Variants in EPHB1 observed in about 807,000 individuals in gnomAD.
EPHB1 encodes the protein ephrin type-B receptor 1.
EPHB1 carries 30 observed loss-of-function variants against 94.4 expected under a neutral mutation model. The ratio of observed to expected loss-of-function variants is 0.32; its 90% CI spans 0.24 to 0.43. The LOEUF (loss-of-function observed/expected upper bound fraction) is 0.43, where lower values mean the gene tolerates loss of function less well. Ranked by LOEUF, EPHB1 falls within the 20% of genes least tolerant of loss-of-function variation. The probability of loss-of-function intolerance (pLI) is 1.00; values close to 1 mark genes in which losing one functional copy is unlikely to be tolerated. For missense variants in EPHB1, 1,055 were observed against 1,308.3 expected (o/e 0.81, Z 2.99); for synonymous variants, 522 against 489.1 (o/e 1.07, Z -0.89).
chr3:134,888,720 A>AG (rs1463571057), intron 1 of EPHB1, among the ~76,000 whole-genome samples: 27 of 151,906 alleles, frequency 1.8e-4, no homozygotes, highest in Non-Finnish European at 3.8e-4. Context: ...AAAAAAAAAA[A>AG]AAAGAAAGAT....
chr3:135,003,518 G>A (rs1218371740), intron 3 of EPHB1, among the ~76,000 whole-genome samples: 5 of 149,194 alleles, frequency 3.4e-5, no homozygotes, highest in African/African-American at 1.2e-4. Flanking sequence ...TATCCTTGTT[G>A]ACTTTCTGTC....
rs898657285 is a variant in EPHB1, at chr3:135,260,097, T to C, written c.*977T>C. ...ACAGGAAACAGGTGAGTGGTTTGAA[T>C]TGGATGCAGTGTGGGCCATCCTGGA... On this transcript the variant is annotated 3_prime_UTR_variant, in exon 16 of 16. Transcript: ENST00000398015. 3.0e-5 allele frequency: 7 copies of C among 232,996 alleles called. No homozygotes were observed. The highest frequency in any genetic ancestry group is 1.8e-4 in the South Asian group (1 of 5,518). The allele number at this position is 232,996 out of a possible 1,614,324, so 14.4% of individuals were successfully genotyped here. A position where few individuals can be genotyped will look rare whatever the true frequency, so the allele number is the denominator to read the frequency against.
At chr3:135,142,338 A>G (rs1458450329) in intron 5 of EPHB1, among the ~76,000 whole-genome samples, 1 of 152,172 alleles carries the variant, frequency 6.6e-6, no homozygotes, top group Non-Finnish European at 1.5e-5. Context: ...TTTTCCTCTT[A>G]TGTGGCTTTC....
intron 1 of EPHB1, among the ~76,000 whole-genome samples, chr3:134,875,883 C>G (rs2037606570): frequency 6.6e-6 from 1 of 152,196 alleles, no homozygotes; most frequent in Non-Finnish European, 1.5e-5. Context: ...CTCCCAGCAT[C>G]CCACCTGACA....
chr3:134,859,000 G>T (rs974610456), intron 1 of EPHB1, among the ~76,000 whole-genome samples: 1 of 152,194 alleles, frequency 6.6e-6, no homozygotes, highest in East Asian at 1.9e-4. Flanking sequence ...CTGCCCTCAC[G>T]GTGACTGAAG....
At chr3:135,199,322 T>TA (rs1942699860) in intron 11 of EPHB1, among the ~76,000 whole-genome samples, 1 of 152,186 alleles carries the variant, frequency 6.6e-6, no homozygotes, top group African/African-American at 2.4e-5. Flanking sequence ...CCCAGAGACC[T>TA]ACTTGGAGAA....
intron 13 of EPHB1, 121 bp downstream of exon 13, chr3:135,241,418 G>A: frequency 7.9e-7 from 1 of 1,262,642 alleles, no homozygotes; most frequent in Non-Finnish European, 1.1e-6. Flanking sequence ...CAGTGTTCAG[G>A]GTAGGGGATA....
intron 5 of EPHB1, among the ~76,000 whole-genome samples, chr3:135,133,956 A>G (rs937784662): frequency 6.6e-6 from 1 of 152,232 alleles, no homozygotes; most frequent in Non-Finnish European, 1.5e-5. Flanking sequence ...CTTGGACACT[A>G]TTGTTCCTCC....
intron 3 of EPHB1, among the ~76,000 whole-genome samples, chr3:135,047,974 T>C (rs1576344073): frequency 1.3e-5 from 2 of 152,254 alleles, no homozygotes. Flanking sequence ...AGATGAAAGA[T>C]GGACATTTGT....
chr3:134,801,159 C>A (rs969956117), intron 1 of EPHB1, among the ~76,000 whole-genome samples: 1 of 152,174 alleles, frequency 6.6e-6, no homozygotes, highest in South Asian at 2.1e-4. Flanking sequence ...GTTCAGACAA[C>A]CTCAACACTT....
intron 3 of EPHB1, among the ~76,000 whole-genome samples, chr3:134,975,887 A>G (rs36124): frequency 0.34 from 51,503 of 151,764 alleles, 10,747 homozygotes; most frequent in African/African-American, 0.58. Flanking sequence ...GAGGCCAGAC[A>G]TATAAAAACA....
chr3:135,095,128 A>G (rs1488081554), intron 3 of EPHB1, among the ~76,000 whole-genome samples: 2 of 152,130 alleles, frequency 1.3e-5, no homozygotes, highest in Admixed American at 1.3e-4. Flanking sequence ...CCCCAAAGTT[A>G]TAGGGACAGG....
chr3:134,898,495 A>T (rs1040246959), intron 1 of EPHB1, among the ~76,000 whole-genome samples: 1 of 152,090 alleles, frequency 6.6e-6, no homozygotes, highest in African/African-American at 2.4e-5. Context: ...TTCTCTCTGT[A>T]CTTGGTGGCA....
chr3:134,970,208 C>G (rs1933913307), intron 3 of EPHB1, among the ~76,000 whole-genome samples: 1 of 152,188 alleles, frequency 6.6e-6, no homozygotes, highest in Admixed American at 6.5e-5. Flanking sequence ...AACCTTGGCA[C>G]AAAGATTTTC....
chr3:135,034,579 T>C (rs993922762), intron 3 of EPHB1, among the ~76,000 whole-genome samples: 6 of 152,122 alleles, frequency 3.9e-5, no homozygotes, highest in Non-Finnish European at 8.8e-5. Flanking sequence ...GACAGGTGGA[T>C]TGTGGTGAAT....
intron 4 of EPHB1, among the ~76,000 whole-genome samples, chr3:135,132,379 T>C (rs1414997152): frequency 6.6e-6 from 1 of 152,178 alleles, no homozygotes; most frequent in African/African-American, 2.4e-5. Flanking sequence ...TATATATACA[T>C]TTTATTAACC....
intron 3 of EPHB1, among the ~76,000 whole-genome samples, chr3:134,964,638 T>C (rs1280923269): frequency 6.6e-6 from 1 of 152,232 alleles, no homozygotes; most frequent in Non-Finnish European, 1.5e-5. Context: ...GTCACACACA[T>C]GCCCACATGG....
intron 2 of EPHB1, among the ~76,000 whole-genome samples, chr3:134,944,713 G>C (rs910691356): frequency 6.6e-6 from 1 of 152,174 alleles, no homozygotes; most frequent in Non-Finnish European, 1.5e-5. Flanking sequence ...TAAAGCTCTG[G>C]AGGTGGTGGT....
intron 11 of EPHB1, among the ~76,000 whole-genome samples, chr3:135,196,738 C>T (rs1173803133): frequency 6.6e-6 from 1 of 152,140 alleles, no homozygotes; most frequent in Non-Finnish European, 1.5e-5. Flanking sequence ...CTTCTCCTTT[C>T]CCACTGGTCA....
Sources: gnomAD v4.1 joint callset for allele counts (sites outside exome capture counted in the v4.1 genomes callset) on GRCh38, gnomAD v4.1.1 for gene constraint, MANE v1.5 for transcripts, NCBI Gene and HGNC (gene_info 2026-07-23, HGNC 2026-07-21) for gene names.